The following MED12L variants were observed in gnomAD, a reference collection of about 807,000 sequenced individuals.
The protein encoded by MED12L is mediator of RNA polymerase II transcription subunit 12-like protein.
MED12L carries 60 observed loss-of-function variants against 281.3 expected under a neutral mutation model. The ratio of observed to expected loss-of-function variants is 0.21; its 90% CI spans 0.17 to 0.26. MED12L has a LOEUF of 0.26. MED12L is among the 10% of genes least tolerant of loss of function. The pLI is 1.00. For synonymous variants in MED12L, 974 were observed against 987.2 expected (o/e 0.99, Z 0.25); for missense variants, 2,146 against 2,680.9 (o/e 0.80, Z 4.41).
At chr3:151,239,866 T>G (rs1310394737) in intron 16 of MED12L, among the ~76,000 whole-genome samples, 1 of 152,242 alleles carries the variant, frequency 6.6e-6, no homozygotes, top group Non-Finnish European at 1.5e-5. Context: ...GGACACCACA[T>G]TTTATGAAGA....
At chr3:151,185,602 A>G (rs1723163462) in intron 12 of MED12L, 141 bp downstream of exon 12, 3 of 809,964 alleles carry the variant, frequency 3.7e-6, no homozygotes, top group African/African-American at 3.5e-5. Context: ...CACATAAGGA[A>G]GATTCTTATA....
At chr3:151,315,423 G>T (rs1380905989) in intron 16 of MED12L, among the ~76,000 whole-genome samples, 1 of 152,148 alleles carries the variant, frequency 6.6e-6, no homozygotes, top group Admixed American at 6.6e-5. Flanking sequence ...CATTTTCTCA[G>T]TGTCTTCATG....
intron 39 of MED12L, among the ~76,000 whole-genome samples, chr3:151,400,518 G>C (rs77793910): frequency 2.6e-5 from 4 of 152,110 alleles, no homozygotes; most frequent in African/African-American, 9.7e-5. Flanking sequence ...TACATGTAGC[G>C]ACTTGTAAAG....
chr3:151,149,146 G>GT (rs1718131184), intron 5 of MED12L, among the ~76,000 whole-genome samples: 3 of 152,286 alleles, frequency 2.0e-5, no homozygotes, highest in African/African-American at 7.2e-5. Context: ...TGTTGTCTAC[G>GT]TGTAAGGTGT....
chr3:151,320,405 TA>T (rs1748862821), intron 16 of MED12L, among the ~76,000 whole-genome samples: 1 of 152,206 alleles, frequency 6.6e-6, no homozygotes. Flanking sequence ...AGGATTATAG[TA>T]AAACCTTTGC....
intron 5 of MED12L, among the ~76,000 whole-genome samples, chr3:151,140,875 G>T (rs1211727478): frequency 5.3e-5 from 8 of 149,920 alleles, no homozygotes; most frequent in Non-Finnish European, 1.2e-4. Flanking sequence ...TTGTTTGTTT[G>T]TTTGTTTTTT....
intron 4 of MED12L, among the ~76,000 whole-genome samples, chr3:151,123,882 A>C (rs899372342): frequency 4.6e-5 from 7 of 152,190 alleles, no homozygotes; most frequent in Admixed American, 4.6e-4. Flanking sequence ...TAATGTCATA[A>C]CATTGTATTG....
intron 16 of MED12L, chr3:151,294,476 A>T: frequency 6.2e-7 from 1 of 1,614,190 alleles, no homozygotes; most frequent in Non-Finnish European, 8.5e-7. Context: ...CACAGCCACA[A>T]CAACCCTGAT....
At chr3:151,427,311 T>C (rs1019456476) in intron 43 of MED12L, among the ~76,000 whole-genome samples, 1 of 152,186 alleles carries the variant, frequency 6.6e-6, no homozygotes, top group South Asian at 2.1e-4. Context: ...TGACAGAGTC[T>C]TGGGGACCTC....
chr3:151,246,217 T>C (rs946050295), intron 16 of MED12L, among the ~76,000 whole-genome samples: 13 of 152,188 alleles, frequency 8.5e-5, no homozygotes, highest in Admixed American at 3.9e-4. Context: ...ATAGATTCAA[T>C]GCCATCCCCA....
intron 16 of MED12L, among the ~76,000 whole-genome samples, chr3:151,256,156 C>T (rs1737775600): frequency 6.6e-6 from 1 of 152,272 alleles, no homozygotes; most frequent in Middle Eastern, 3.4e-3. Flanking sequence ...TTGACCCAGC[C>T]ACTGTGGTTA....
chr3:151,357,422 A>G (rs775003916), intron 20 of MED12L, 46 bp downstream of exon 20: 8 of 1,486,928 alleles, frequency 5.4e-6, no homozygotes, highest in East Asian at 4.6e-5. Context: ...CTCAGAATGT[A>G]TAACTAGTGA....
intron 16 of MED12L, among the ~76,000 whole-genome samples, chr3:151,331,184 A>G (rs934403975): frequency 6.6e-6 from 1 of 152,200 alleles, no homozygotes. Context: ...GTGTTTGACT[A>G]TAGTAAATAT....
At chr3:151,246,750 A>G (rs1209405950) in intron 16 of MED12L, among the ~76,000 whole-genome samples, 1 of 152,230 alleles carries the variant, frequency 6.6e-6, no homozygotes, top group Non-Finnish European at 1.5e-5. Context: ...CAATGGCCAC[A>G]AAAGCCAAAA....
At chr3:151,299,317 G>A (rs1458188265) in intron 16 of MED12L, among the ~76,000 whole-genome samples, 1 of 145,894 alleles carries the variant, frequency 6.9e-6, no homozygotes, top group African/African-American at 2.5e-5. Flanking sequence ...TGCCTAGGTC[G>A]GTCTTTCTTT....
intron 26 of MED12L, among the ~76,000 whole-genome samples, chr3:151,371,889 T>G (rs1034098070): frequency 1.3e-5 from 2 of 152,224 alleles, no homozygotes; most frequent in African/African-American, 4.8e-5. Context: ...TTCCCAGAAC[T>G]TTGTTATGAA....
rs765216207 is a variant in MED12L, at chr3:151,390,103, G to A, written c.5576G>A (p.Gly1859Asp). 1 of 1,614,072 alleles carries A rather than the reference G, an allele frequency of 6.2e-7. No individual in the cohort carries two copies. The highest frequency in any genetic ancestry group is 8.5e-7 in the Non-Finnish European group (1 of 1,179,952). The change falls in exon 38 of 45, where the codon GGC (glycine) becomes GAC (aspartate). Residue 1859 changes from glycine (G) to aspartate (D), a missense_variant. Physicochemically the swap from Gly to Asp is moderately conservative, Grantham distance 94. Around this residue, in one of 9 missense-constraint regions of MED12L, gnomAD observed 496 missense variants for 512.0 expected, o/e 0.97. Transcript: ENST00000687756. ...CTCGTGGGCCAGCCCCAGCAGCCCG[G>A]CTTTTTCCTTCAGAACCAATCTCTT... ...YNLVGQPQQP[G>D]FFLQNQSLTP...
chr3:151,336,469 A>G (rs1236630105), intron 16 of MED12L: 1 of 455,690 alleles, frequency 2.2e-6, no homozygotes, highest in South Asian at 1.6e-5. Flanking sequence ...ACTTTATACA[A>G]CAATACACCC....
At chr3:151,382,946 A>T (rs1302249681) in intron 33 of MED12L, among the ~76,000 whole-genome samples, 1 of 152,160 alleles carries the variant, frequency 6.6e-6, no homozygotes, top group Non-Finnish European at 1.5e-5. Flanking sequence ...ACATCTAGAC[A>T]GTGCTAGGTA....
Sources: allele counts gnomAD v4.1 joint callset (sites outside exome capture counted in the v4.1 genomes callset), GRCh38; gene constraint gnomAD v4.1.1; regional missense constraint gnomAD v4.1.1; transcripts MANE v1.5; gene names NCBI Gene and HGNC (gene_info 2026-07-23, HGNC 2026-07-21).